Variants in AGBL1 observed in about 807,000 individuals in gnomAD.
The protein encoded by AGBL1 is cytosolic carboxypeptidase 4.
A neutral mutation model predicts 118.9 loss-of-function variants in AGBL1; 130 were observed. That is an observed-to-expected ratio of 1.09 (90% confidence interval 0.95 to 1.26). AGBL1 has a LOEUF of 1.26. Ranked by LOEUF, AGBL1 falls within the 50% of genes most tolerant of loss-of-function variation. AGBL1 has a pLI of 0.00. For missense variants in AGBL1, 1,584 were observed against 1,298.1 expected (o/e 1.22, Z -3.38); for synonymous variants, 555 against 478.9 (o/e 1.16, Z -2.08).
chr15:86,755,687 T>A (rs903643856), intron 22 of AGBL1, among the ~76,000 whole-genome samples: 1 of 152,150 alleles, frequency 6.6e-6, no homozygotes, highest in Non-Finnish European at 1.5e-5. Flanking sequence ...TGTTCCTTCA[T>A]GTACTTTCCT....
At chr15:86,105,143 C>G (rs1567057215) in intron 1 of AGBL1, 1 of 152,172 alleles carries the variant, frequency 6.6e-6, no homozygotes, top group Non-Finnish European at 1.5e-5. Context: ...TTTGGTTCTT[C>G]TTTGTGGAGG....
intron 22 of AGBL1, among the ~76,000 whole-genome samples, chr15:86,878,176 T>A (rs549528501): frequency 1.3e-5 from 2 of 152,356 alleles, no homozygotes; most frequent in South Asian, 4.1e-4. Context: ...CATGCTTTTA[T>A]GCATGCAGTA....
chr15:86,598,064 T>C (rs1567076880), intron 21 of AGBL1, among the ~76,000 whole-genome samples: 2 of 152,248 alleles, frequency 1.3e-5, no homozygotes, highest in East Asian at 3.9e-4. Flanking sequence ...GTCTGTAAAT[T>C]TGGTCTCTTT....
At chr15:86,509,247 A>G (rs576056889) in intron 18 of AGBL1, among the ~76,000 whole-genome samples, 1 of 152,246 alleles carries the variant, frequency 6.6e-6, no homozygotes, top group African/African-American at 2.4e-5. Context: ...GCGAGGCTTG[A>G]TAAGTTTCCT....
At chr15:86,458,710 T>C (rs562894917) in intron 18 of AGBL1, among the ~76,000 whole-genome samples, 1 of 152,254 alleles carries the variant, frequency 6.6e-6, no homozygotes, top group East Asian at 1.9e-4. Context: ...GCAGAGAAGG[T>C]TATAGAGCTC....
chr15:86,806,132 T>C (rs1258090562), intron 22 of AGBL1, among the ~76,000 whole-genome samples: 4 of 152,116 alleles, frequency 2.6e-5, no homozygotes, highest in Admixed American at 6.6e-5. Flanking sequence ...CACAAAGACA[T>C]ATTCCAGAAA....
At chr15:86,480,117 A>G (rs1006979867) in intron 18 of AGBL1, among the ~76,000 whole-genome samples, 2 of 152,186 alleles carry the variant, frequency 1.3e-5, no homozygotes, top group African/African-American at 4.8e-5. Context: ...GGATAGCATT[A>G]GGAAATATAC....
At chr15:86,230,144 C>T (rs138197437) in intron 6 of AGBL1, among the ~76,000 whole-genome samples, 1 of 152,264 alleles carries the variant, frequency 6.6e-6, no homozygotes, top group East Asian at 1.9e-4. Flanking sequence ...ACAGGGACAG[C>T]CCGTCAGCCT....
At chr15:86,477,015 G>A (rs2142114497) in intron 18 of AGBL1, among the ~76,000 whole-genome samples, 1 of 152,274 alleles carries the variant, frequency 6.6e-6, no homozygotes, top group Admixed American at 6.5e-5. Context: ...CAGAAAAAAA[G>A]ATGTTCTTTG....
intron 9 of AGBL1, chr15:86,262,501 C>T (rs1455916313): frequency 2.3e-6 from 1 of 429,266 alleles, no homozygotes; most frequent in African/African-American, 2.0e-5. Context: ...TGTGCTTTAT[C>T]AATTATGTAG....
intron 17 of AGBL1, among the ~76,000 whole-genome samples, chr15:86,364,036 A>T (rs2080843329): frequency 6.6e-6 from 1 of 152,134 alleles, no homozygotes; most frequent in African/African-American, 2.4e-5. Context: ...TTTTAGTGTG[A>T]TGCCTATTAT....
chr15:86,832,360 T>G (rs895963472), intron 22 of AGBL1, among the ~76,000 whole-genome samples: 2 of 152,222 alleles, frequency 1.3e-5, no homozygotes, highest in Non-Finnish European at 2.9e-5. Context: ...TTTTCTGAAC[T>G]TTTATATTTT....
At position 86,258,057 on chromosome 15, in the gene AGBL1, ATG is replaced by A. The variant is rs1172178945; in HGVS notation, c.969+27_969+28del. ...GTAGGTACACCAGCCCATGCTTCTA[ATG>A]ATGTCCATAGTCACATCATGCACAG... On this transcript the variant is annotated intron_variant, in intron 9 of 22. Coordinates refer to ENST00000614907, the MANE Select transcript of AGBL1 (RefSeq NM_001386094.1). The A allele has an allele frequency of 1.9e-6, 3 of 1,607,096 alleles. No homozygotes were observed. In the East Asian group the frequency reaches 6.7e-5, roughly 36 times the overall value.
chr15:86,935,213 CTTG>C (rs1567247681), intron 23 of AGBL1: 1 of 152,100 alleles, frequency 6.6e-6, no homozygotes, highest in Non-Finnish European at 1.5e-5. Flanking sequence ...GTTGTCAGGT[CTTG>C]TTGTGACCCC....
chr15:86,509,893 C>T (rs1219606431), intron 18 of AGBL1, among the ~76,000 whole-genome samples: 8 of 151,516 alleles, frequency 5.3e-5, no homozygotes, highest in Non-Finnish European at 7.4e-5. Context: ...ACCAAAACTA[C>T]GGAGCTTGCT....
At chr15:86,181,369 A>G (rs924900489) in intron 5 of AGBL1, among the ~76,000 whole-genome samples, 1 of 152,126 alleles carries the variant, frequency 6.6e-6, no homozygotes, top group Non-Finnish European at 1.5e-5. Context: ...TGCAACATGA[A>G]TAAATCTCAA....
At chr15:86,832,015 C>T (rs933018377) in intron 22 of AGBL1, among the ~76,000 whole-genome samples, 1 of 152,236 alleles carries the variant, frequency 6.6e-6, no homozygotes, top group Admixed American at 6.5e-5. Flanking sequence ...CACATGTAAG[C>T]TGCCAAGGCT....
At chr15:86,612,821 G>T (rs190116967) in intron 21 of AGBL1, among the ~76,000 whole-genome samples, 1 of 152,226 alleles carries the variant, frequency 6.6e-6, no homozygotes, top group Non-Finnish European at 1.5e-5. Flanking sequence ...TGGCCTGAAG[G>T]CTTTATCTAC....
intron 24 of AGBL1, among the ~76,000 whole-genome samples, chr15:87,011,498 T>C (rs1346480573): frequency 6.6e-6 from 1 of 152,246 alleles, no homozygotes; most frequent in Non-Finnish European, 1.5e-5. Context: ...GATAAATTAC[T>C]TGGTAATTCT....
Sources: gnomAD v4.1 joint callset for allele counts (sites outside exome capture counted in the v4.1 genomes callset) on GRCh38, gnomAD v4.1.1 for gene constraint, MANE v1.5 for transcripts, NCBI Gene and HGNC (gene_info 2026-07-23, HGNC 2026-07-21) for gene names.